The following NEK6 variants were observed in gnomAD, a reference collection of about 807,000 sequenced individuals.
NEK6 encodes the protein NIMA related kinase 6, also known as serine/threonine-protein kinase Nek6.
NEK6 carries 27 observed loss-of-function variants against 43.5 expected under a neutral mutation model. That is an observed-to-expected ratio of 0.62 (90% CI 0.46 to 0.86). NEK6 has a LOEUF of 0.86. Among genes scored for constraint, NEK6 ranks in the 40% least tolerant of loss-of-function variants. The pLI is 0.00. For missense variants in NEK6, 318 were observed against 414.4 expected (o/e 0.77, Z 2.02); for synonymous variants, 167 against 164.1 (o/e 1.02, Z -0.14).
intron 9 of NEK6, among the ~76,000 whole-genome samples, chr9:124,348,283 C>G (rs572730092): frequency 7.2e-5 from 11 of 152,190 alleles, no homozygotes; most frequent in Non-Finnish European, 1.5e-4. Context: ...ATATAACAGA[C>G]TTAACACCCT....
At chr9:124,258,562 TGTGAGTATAACGA>T (rs1346567071) in intron 1 of NEK6, among the ~76,000 whole-genome samples, 1 of 152,130 alleles carries the variant, frequency 6.6e-6, no homozygotes, top group African/African-American at 2.4e-5. Context: ...CCTGTGTGGG[TGTGAGTATAACGA>T]GTGTGCAGGG....
At chr9:124,264,348 G>T (rs1564611523) in intron 1 of NEK6, among the ~76,000 whole-genome samples, 1 of 152,166 alleles carries the variant, frequency 6.6e-6, no homozygotes, top group Non-Finnish European at 1.5e-5. Flanking sequence ...ATGCAAGGAG[G>T]GCTTCACAGG....
intron 8 of NEK6, 76 bp from the exon 9 acceptor site, chr9:124,347,633 G>A: frequency 1.1e-6 from 1 of 921,132 alleles, no homozygotes; most frequent in Non-Finnish European, 1.7e-6. Context: ...CCAACAATCT[G>A]GAGCAGCCTC....
At chr9:124,289,547 A>G (rs1450288438) in intron 1 of NEK6, among the ~76,000 whole-genome samples, 1 of 152,128 alleles carries the variant, frequency 6.6e-6, no homozygotes, top group Non-Finnish European at 1.5e-5. Flanking sequence ...TCCAAGCCAC[A>G]GCCCCACGTC....
At chr9:124,309,712 T>A (rs547703970) in intron 2 of NEK6, among the ~76,000 whole-genome samples, 2 of 152,376 alleles carry the variant, frequency 1.3e-5, no homozygotes, top group African/African-American at 4.8e-5. Context: ...CTCATGGTTA[T>A]TTTTATGAGT....
chr9:124,293,000 G>A, intron 1 of NEK6: 8 of 1,570,098 alleles, frequency 5.1e-6, no homozygotes, highest in South Asian at 3.6e-5. Flanking sequence ...AGCAGAGCCT[G>A]CCAAGGCCTC....
At chr9:124,338,950 CG>C (rs1564658862) in intron 7 of NEK6, among the ~76,000 whole-genome samples, 6 of 150,408 alleles carry the variant, frequency 4.0e-5, no homozygotes, top group East Asian at 3.9e-4. Context: ...CCAGCCGGGC[CG>C]AGGAGGCATC....
chr9:124,282,933 G>A (rs975003080), intron 1 of NEK6, among the ~76,000 whole-genome samples: 4 of 152,212 alleles, frequency 2.6e-5, no homozygotes, highest in African/African-American at 9.6e-5. Context: ...GCCATTCCCG[G>A]CAGCGCCCAC....
Position 124,350,873 on chromosome 9 carries a change from C to A in NEK6, c.868C>A (p.Pro290Thr), listed in dbSNP as rs1248451252. Residue 290 changes from proline (P) to threonine (T), a missense_variant, in exon 10 of 10, where the codon CCC becomes ACC. Coordinates refer to ENST00000320246, the MANE Select transcript of NEK6 (RefSeq NM_014397.6). Reference sequence around the variant, plus strand: ...GGTCAGCATGTGCATCTGCCCTGACCCCCACCAGAGACCTGACATCGGATA... The same window carrying A: ...GGTCAGCATGTGCATCTGCCCTGACACCCACCAGAGACCTGACATCGGATA... ...ELVSMCICPD[P>T]HQRPDIGYVH... 6.2e-7 allele frequency: 1 copy of A among 1,612,858 alleles called. No individual in the cohort carries two copies. The highest frequency in any genetic ancestry group is 8.5e-7 in the Non-Finnish European group (1 of 1,179,950).
intron 2 of NEK6, among the ~76,000 whole-genome samples, chr9:124,310,520 G>C (rs566137148): frequency 6.6e-6 from 1 of 152,348 alleles, no homozygotes; most frequent in African/African-American, 2.4e-5. Context: ...TCACCTTGCT[G>C]TGTGCTGTGA....
chr9:124,278,079 T>A (rs1234894831), intron 1 of NEK6, among the ~76,000 whole-genome samples: 3 of 152,240 alleles, frequency 2.0e-5, no homozygotes, highest in African/African-American at 7.2e-5. Context: ...TGCCATCTTT[T>A]GACTGTACCT....
intron 1 of NEK6, among the ~76,000 whole-genome samples, chr9:124,290,304 G>A (rs566938552): frequency 6.6e-6 from 1 of 152,340 alleles, no homozygotes. Context: ...ACCTCCTCAA[G>A]GGGTGCCACA....
At chr9:124,267,985 C>T (rs1201930927) in intron 1 of NEK6, among the ~76,000 whole-genome samples, 1 of 152,198 alleles carries the variant, frequency 6.6e-6, no homozygotes, top group Admixed American at 6.5e-5. Flanking sequence ...TATTTAGTGC[C>T]ATTCAGGGAC....
In NEK6 at chr9:124,275,645, C is replaced by A. The variant is rs893845326; in HGVS notation, c.-30+17560C>A. On this transcript the variant is annotated intron_variant, in intron 1 of 9. Coordinates refer to ENST00000320246, the MANE Select transcript of NEK6 (RefSeq NM_014397.6). This position sits in a 1 kb window ranked among gnomAD's most constrained non-coding sequence, Gnocchi z 4.4. ...CTGCATCTTCCCCAACATGGCCCCCCACCCTGTGAGGCCCACTAATGGCCA... is the reference window on the plus strand; with the variant it reads ...CTGCATCTTCCCCAACATGGCCCCCAACCCTGTGAGGCCCACTAATGGCCA... 1.3e-5 allele frequency among the ~76,000 whole-genome samples: 2 copies of A among 152,366 alleles called. No individual in the cohort carries two copies. Among genetic ancestry groups the A allele is most frequent in the East Asian group, 1.9e-4 (1 of 5,182 alleles).
intron 1 of NEK6, among the ~76,000 whole-genome samples, chr9:124,261,744 G>A (rs747369710): frequency 2.8e-4 from 42 of 152,110 alleles, no homozygotes; most frequent in Non-Finnish European, 5.4e-4. Flanking sequence ...AGTGTCCTTC[G>A]GTGTTGAAAG....
intron 8 of NEK6, among the ~76,000 whole-genome samples, chr9:124,345,849 A>C (rs1829897776): frequency 6.6e-6 from 1 of 152,044 alleles, no homozygotes; most frequent in East Asian, 1.9e-4. Context: ...TGCCCGATTA[A>C]CCCTTTGCAC....
Position 124,351,174 on chromosome 9 carries a change from T to A in NEK6, c.*227T>A. The stretch of plus-strand genomic sequence containing the variant: ...AGATTCCAAAGTCCTTTCTTTATAC[T>A]GTTGTGGACAATCTCAGCTGGGTCA... On this transcript the variant is annotated 3_prime_UTR_variant, in exon 10 of 10. Transcript: ENST00000320246. The A allele has an allele frequency of 2.1e-6, 1 of 474,492 alleles. No individual in the cohort carries two copies. The highest frequency in any genetic ancestry group is 3.9e-6 in the Non-Finnish European group (1 of 259,522). The allele number at this position is 474,492 out of a possible 1,614,324, so 29.4% of individuals were successfully genotyped here.
At chr9:124,258,516 C>T (rs572757007) in intron 1 of NEK6, among the ~76,000 whole-genome samples, 25 of 152,340 alleles carry the variant, frequency 1.6e-4, no homozygotes, top group Admixed American at 1.0e-3. Flanking sequence ...GATTTGTGTG[C>T]AAGCACATGC....
chr9:124,308,852 A>G (rs549678156), intron 2 of NEK6, among the ~76,000 whole-genome samples: 1 of 152,296 alleles, frequency 6.6e-6, no homozygotes, highest in South Asian at 2.1e-4. Flanking sequence ...TCCTGGAGCC[A>G]GTGTTACTGT....
Sources: gnomAD v4.1 joint callset for allele counts (sites outside exome capture counted in the v4.1 genomes callset) on GRCh38, gnomAD v4.1.1 for gene constraint, Gnocchi (gnomAD v3.1) non-coding constraint, MANE v1.5 for transcripts, NCBI Gene and HGNC (gene_info 2026-07-23, HGNC 2026-07-21) for gene names.